CEP112: variants seen among roughly 807,000 people sequenced by gnomAD.
The protein encoded by CEP112 is centrosomal protein of 112 kDa.
CEP112 carries 127 observed loss-of-function variants against 153.0 expected under a neutral mutation model. The observed-to-expected ratio is 0.83, with a 90% CI of 0.72 to 0.96. CEP112 has a LOEUF of 0.96. Among genes scored for constraint, CEP112 ranks in the 40% least tolerant of loss-of-function variants. The pLI is 0.00. For missense variants in CEP112, 1,089 were observed against 1,101.2 expected (o/e 0.99, Z 0.16); for synonymous variants, 358 against 374.4 (o/e 0.96, Z 0.51).
In CEP112 at chr17:65,743,107, C is replaced by T. The variant is rs763810421; in HGVS notation, c.2568G>A (p.Glu856=). 5 of 1,612,080 alleles carry T rather than the reference C, an allele frequency of 3.1e-6. No individual in the cohort carries two copies. The Admixed American group carries it at 5.0e-5, about 16-fold the overall frequency. ...CATTATCTCTAATCAGCTGCTTCTTCTCATCTTCAAACTTTTGTCTAACAT... is the reference window on the plus strand; with the variant it reads ...CATTATCTCTAATCAGCTGCTTCTTTTCATCTTCAAACTTTTGTCTAACAT... ...LQDVRQKFED[E]KKQLIRDNDQ... is the part of the protein sequence containing the mutation. Residue 856 remains glutamate, a synonymous_variant, in exon 23 of 27, where the codon GAG becomes GAA. Transcript: ENST00000535342.
At chr17:65,706,205 C>T (rs1412900754) in intron 23 of CEP112, among the ~76,000 whole-genome samples, 1 of 152,204 alleles carries the variant, frequency 6.6e-6, no homozygotes, top group East Asian at 1.9e-4. Context: ...GGAACGTCTT[C>T]AGGAAGGACG....
At chr17:65,662,086 G>A (rs995359147) in intron 24 of CEP112, among the ~76,000 whole-genome samples, 5 of 151,866 alleles carry the variant, frequency 3.3e-5, no homozygotes, top group South Asian at 2.1e-4. Flanking sequence ...CTCCCACCTC[G>A]GCCTCCTGAG....
Position 66,191,481 on chromosome 17 carries a change from G to T in CEP112, c.-9+516C>A, listed in dbSNP as rs573338445. ...CTACATGCGGCGGTGCTGGGCTTGG[G>T]CCTCTCCAAGCGGCCTATGACTTTC... On this transcript the variant is annotated intron_variant, in intron 1 of 26. Coordinates refer to ENST00000535342, the MANE Select transcript of CEP112 (RefSeq NM_001199165.4). The surrounding 1 kb of genome is among the most constrained non-coding windows in gnomAD (Gnocchi z 4.2). Among the ~76,000 whole-genome samples, 2 of 152,328 alleles carry T rather than the reference G, an allele frequency of 1.3e-5. No homozygotes were observed. Among genetic ancestry groups the T allele is most frequent in the East Asian group, 3.9e-4 (2 of 5,176 alleles).
chr17:65,785,461 C>T (rs2054230012), intron 21 of CEP112, among the ~76,000 whole-genome samples: 2 of 152,224 alleles, frequency 1.3e-5, no homozygotes, highest in Admixed American at 1.3e-4. Flanking sequence ...AATTTCTCCA[C>T]ATCCTTGCCA....
intron 24 of CEP112, among the ~76,000 whole-genome samples, chr17:65,643,845 G>C (rs1331312704): frequency 2.0e-5 from 3 of 152,210 alleles, no homozygotes; most frequent in African/African-American, 7.2e-5. Flanking sequence ...GATGTAAGCA[G>C]AAAATTTGGC....
chr17:66,129,881 G>GTATTTGCTTTAT, intron 5 of CEP112, 58 bp from the exon 6 acceptor site: 2 of 1,048,178 alleles, frequency 1.9e-6, no homozygotes, highest in Non-Finnish European at 2.9e-6. Flanking sequence ...AGAAATAAAA[G>GTATTTGCTTTAT]GAAAAGATGG....
intron 1 of CEP112, among the ~76,000 whole-genome samples, chr17:66,185,676 CA>C (rs1398815991): frequency 3.3e-5 from 5 of 152,188 alleles, no homozygotes; most frequent in African/African-American, 1.2e-4. Context: ...AATACATACA[CA>C]CACTACATGT....
intron 4 of CEP112, among the ~76,000 whole-genome samples, chr17:66,135,104 A>G (rs1311959865): frequency 6.6e-6 from 1 of 152,212 alleles, no homozygotes; most frequent in Middle Eastern, 3.2e-3. Context: ...CCCTACTTCC[A>G]ATTCAACATG....
intron 20 of CEP112, among the ~76,000 whole-genome samples, chr17:65,900,711 T>C (rs2059815062): frequency 6.6e-6 from 1 of 152,178 alleles, no homozygotes; most frequent in Non-Finnish European, 1.5e-5. Context: ...TTTAACATCA[T>C]ATTTGAAAGA....
At chr17:65,860,719 C>G (rs1598806201) in intron 20 of CEP112, among the ~76,000 whole-genome samples, 1 of 152,182 alleles carries the variant, frequency 6.6e-6, no homozygotes, top group African/African-American at 2.4e-5. Flanking sequence ...CCCTATCTTA[C>G]ACAATGGACA....
chr17:66,107,970 T>C (rs1266451382), intron 6 of CEP112, among the ~76,000 whole-genome samples: 1 of 152,044 alleles, frequency 6.6e-6, no homozygotes, highest in Non-Finnish European at 1.5e-5. Flanking sequence ...TGGAGTAGGA[T>C]AGAGAACCCA....
chr17:65,639,588 G>A (rs1341728798), intron 25 of CEP112, among the ~76,000 whole-genome samples: 1 of 151,386 alleles, frequency 6.6e-6, no homozygotes, highest in African/African-American at 2.4e-5. Flanking sequence ...GGGAGGCAGA[G>A]GCAGGAGAAT....
intron 11 of CEP112, among the ~76,000 whole-genome samples, chr17:66,059,802 A>G (rs1292458829): frequency 2.6e-5 from 4 of 152,224 alleles, no homozygotes. Context: ...CTGGGTATAT[A>G]CCCAAAGGAA....
chr17:66,065,411 C>T (rs572999698), intron 10 of CEP112, among the ~76,000 whole-genome samples: 6 of 152,212 alleles, frequency 3.9e-5, no homozygotes, highest in African/African-American at 1.4e-4. Flanking sequence ...CTCCATTCTG[C>T]CTCTGCCTAA....
At position 65,821,450 on chromosome 17, in the gene CEP112, T is replaced by C. The variant is rs2056529156; in HGVS notation, c.2394+30354A>G. ...CGGGATTTTCTACACAATCTGGGGC[T>C]TCCAATACTTAAAAAATTATCAAAT... is the stretch of plus-strand genomic sequence containing the variant. On this transcript the variant is annotated intron_variant, in intron 21 of 26. Coordinates refer to ENST00000535342, the MANE Select transcript of CEP112 (RefSeq NM_001199165.4). 2.8e-5 allele frequency among the ~76,000 whole-genome samples: 4 copies of C among 142,890 alleles called. No homozygotes were observed. The Admixed American group carries it at 2.9e-4, about 10-fold the overall frequency. The allele number at this position is 142,890 out of a possible 152,430, so 93.7% of individuals were successfully genotyped here.
chr17:65,836,096 G>C (rs1450614676), intron 21 of CEP112, among the ~76,000 whole-genome samples: 1 of 151,966 alleles, frequency 6.6e-6, no homozygotes, highest in African/African-American at 2.4e-5. Context: ...AAGCCTCGTG[G>C]TGGCCACAAA....
At chr17:65,792,130 T>A (rs901104400) in intron 21 of CEP112, among the ~76,000 whole-genome samples, 2 of 152,226 alleles carry the variant, frequency 1.3e-5, no homozygotes, top group Non-Finnish European at 2.9e-5. Context: ...TACACTCAGA[T>A]GTGATTGTGG....
intron 12 of CEP112, among the ~76,000 whole-genome samples, chr17:66,042,349 A>G (rs1256755350): frequency 6.6e-6 from 1 of 152,130 alleles, no homozygotes; most frequent in Non-Finnish European, 1.5e-5. Flanking sequence ...GACTGTCTCA[A>G]CAAAATAAAA....
chr17:65,852,215 CCTCCCTCT>C (rs760729555), intron 20 of CEP112, among the ~76,000 whole-genome samples, 181 bp from the exon 21 acceptor site: 75,123 of 111,236 alleles, frequency 0.68, 26,035 homozygotes, highest in Middle Eastern at 0.78. Context: ...TCCTTCCTTC[CCTCCCTCT>C]TTCCCTCTCC....
Sources: gnomAD v4.1 joint callset for allele counts (sites outside exome capture counted in the v4.1 genomes callset) on GRCh38, gnomAD v4.1.1 for gene constraint, Gnocchi (gnomAD v3.1) non-coding constraint, MANE v1.5 for transcripts, NCBI Gene and HGNC (gene_info 2026-07-23, HGNC 2026-07-21) for gene names.